Variants in PRR16 observed in about 807,000 individuals in gnomAD.
The protein encoded by PRR16 is protein Largen.
PRR16 carries 6 observed loss-of-function variants against 18.2 expected under a neutral mutation model. That is an observed-to-expected ratio of 0.33 (90% CI 0.18 to 0.65). The LOEUF (loss-of-function observed/expected upper bound fraction) is 0.65, where lower values mean the gene tolerates loss of function less well. Among genes scored for constraint, PRR16 ranks in the 30% least tolerant of loss-of-function variants. The pLI is 0.74. For synonymous variants in PRR16, 151 were observed against 147.8 expected, an observed-to-expected ratio of 1.02 and a Z score of -0.16; for missense variants, 412 against 376.6, an observed-to-expected ratio of 1.09 and a Z score of -0.78.
intron 1 of PRR16, among the ~76,000 whole-genome samples, chr5:120,496,320 A>G (rs1162711632): frequency 6.6e-6 from 1 of 152,062 alleles, no homozygotes; most frequent in Non-Finnish European, 1.5e-5. Context: ...TTCCCCAGTG[A>G]AACCCTCTGG....
chr5:120,767,175 AC>A, the PRR16 span, among the ~76,000 whole-genome samples: 3 of 152,072 alleles, frequency 2.0e-5, no homozygotes, highest in Admixed American at 2.0e-4. Context: ...TTAAAAGTTA[AC>A]ATTCGCATTT....
intron 1 of PRR16, among the ~76,000 whole-genome samples, chr5:120,581,804 A>G (rs947671346): frequency 1.3e-5 from 2 of 152,004 alleles, no homozygotes; most frequent in East Asian, 1.9e-4. Flanking sequence ...ATGTTGTTCA[A>G]TTTCCATGAA....
At chr5:120,627,279 T>C (rs974548450) in intron 1 of PRR16, among the ~76,000 whole-genome samples, 1 of 152,156 alleles carries the variant, frequency 6.6e-6, no homozygotes, top group Non-Finnish European at 1.5e-5. Flanking sequence ...ATACAATCTG[T>C]ACATGATCCT....
chr5:120,481,616 A>C (rs111909059), intron 1 of PRR16, among the ~76,000 whole-genome samples: 100 of 152,290 alleles, frequency 6.6e-4, no homozygotes, highest in African/African-American at 2.4e-3. Flanking sequence ...TACATTAATC[A>C]ATACAGTGGA....
chr5:120,733,906 A>C, the PRR16 span, among the ~76,000 whole-genome samples: 1 of 152,212 alleles, frequency 6.6e-6, no homozygotes, highest in African/African-American at 2.4e-5. Flanking sequence ...CTTTCAATGC[A>C]TTAAAACATA....
chr5:120,572,148 T>C (rs1225218739), intron 1 of PRR16, among the ~76,000 whole-genome samples: 1 of 152,146 alleles, frequency 6.6e-6, no homozygotes, highest in Non-Finnish European at 1.5e-5. Context: ...GAGTCTCTCA[T>C]ATTGTATTGG....
At chr5:120,670,436 T>G (rs1024891837) in intron 1 of PRR16, among the ~76,000 whole-genome samples, 1 of 152,176 alleles carries the variant, frequency 6.6e-6, no homozygotes, top group South Asian at 2.1e-4. Flanking sequence ...ATGTAGACTT[T>G]CATTGTTTTC....
chr5:120,476,345 A>G (rs1437522775), intron 1 of PRR16, among the ~76,000 whole-genome samples: 1 of 152,120 alleles, frequency 6.6e-6, no homozygotes, highest in Non-Finnish European at 1.5e-5. Flanking sequence ...TGATATTATC[A>G]CAATATTTTA....
chr5:120,521,440 T>C (rs2112652507), intron 1 of PRR16, among the ~76,000 whole-genome samples: 1 of 152,240 alleles, frequency 6.6e-6, no homozygotes, highest in East Asian at 1.9e-4. Context: ...GACCTGTATA[T>C]GTATAAGATT....
intron 1 of PRR16, chr5:120,481,156 T>TA: frequency 1.1e-6 from 1 of 882,688 alleles, no homozygotes; most frequent in Non-Finnish European, 1.4e-6. Flanking sequence ...CTTATTTTAT[T>TA]TTTTTTTTGG....
At chr5:120,730,617 G>A in the PRR16 span, among the ~76,000 whole-genome samples, 1 of 152,138 alleles carries the variant, frequency 6.6e-6, no homozygotes, top group Non-Finnish European at 1.5e-5. Context: ...CCAGCAAGGA[G>A]ATGAAGCAAT....
At chr5:120,603,711 A>G (rs999041218) in intron 1 of PRR16, among the ~76,000 whole-genome samples, 4 of 151,964 alleles carry the variant, frequency 2.6e-5, no homozygotes, top group African/African-American at 9.7e-5. Flanking sequence ...TACTTTCCTC[A>G]TAACACTGCT....
At chr5:120,714,901 CACT>C in the PRR16 span, among the ~76,000 whole-genome samples, 1 of 152,080 alleles carries the variant, frequency 6.6e-6, no homozygotes. Context: ...GAAAACCAAA[CACT>C]ACATGTTCTT....
the PRR16 span, among the ~76,000 whole-genome samples, chr5:120,728,173 C>G: frequency 6.6e-6 from 1 of 151,884 alleles, no homozygotes; most frequent in African/African-American, 2.4e-5. Flanking sequence ...GTAGTATTTA[C>G]TGTAATTTGT....
At chr5:120,655,800 T>C (rs1755954178) in intron 1 of PRR16, among the ~76,000 whole-genome samples, 1 of 150,646 alleles carries the variant, frequency 6.6e-6, no homozygotes, top group Non-Finnish European at 1.5e-5. Flanking sequence ...GAAGGCTAAA[T>C]GTGAAGAGAA....
At chr5:120,677,058 A>G (rs1005187503) in intron 1 of PRR16, among the ~76,000 whole-genome samples, 4 of 152,212 alleles carry the variant, frequency 2.6e-5, no homozygotes, top group Non-Finnish European at 4.4e-5. Flanking sequence ...GAAGATAACC[A>G]CAGTGTTTAT....
intron 1 of PRR16, among the ~76,000 whole-genome samples, chr5:120,643,968 G>A (rs567297223): frequency 3.3e-5 from 5 of 152,220 alleles, no homozygotes; most frequent in South Asian, 4.1e-4. Context: ...TCATGCCACT[G>A]TACTCCAGCC....
the PRR16 span, among the ~76,000 whole-genome samples, chr5:120,703,074 A>G: frequency 6.6e-6 from 1 of 152,062 alleles, no homozygotes; most frequent in Non-Finnish European, 1.5e-5. Flanking sequence ...GCGAAGGGAG[A>G]TAAGGGTGGG....
chr5:120,555,196 C>T (rs572180483), intron 1 of PRR16, among the ~76,000 whole-genome samples: 109 of 151,862 alleles, frequency 7.2e-4, no homozygotes, highest in Non-Finnish European at 1.3e-3. Flanking sequence ...TCATTCAGAA[C>T]ATTTTCTCTG....
Sources: gnomAD v4.1 joint callset for allele counts (sites outside exome capture counted in the v4.1 genomes callset) on GRCh38, gnomAD v4.1.1 for gene constraint, MANE v1.5 for transcripts, NCBI Gene and HGNC (gene_info 2026-07-23, HGNC 2026-07-21) for gene names.